Variants in SRGAP2 observed in about 807,000 individuals in gnomAD.
SRGAP2 encodes the protein SLIT-ROBO Rho GTPase activating protein 2, also known as SLIT-ROBO Rho GTPase-activating protein 2.
SRGAP2 carries 15 observed loss-of-function variants against 57.2 expected under a neutral mutation model. That is an observed-to-expected ratio of 0.26 (90% CI 0.18 to 0.40). The LOEUF is 0.40. Among genes scored for constraint, SRGAP2 ranks in the 10% least tolerant of loss-of-function variants. The pLI is 1.00. For missense variants in SRGAP2, 520 were observed against 669.6 expected (o/e 0.78, Z 2.47); for synonymous variants, 249 against 248.0 (o/e 1.00, Z -0.04).
At chr1:206,384,629 C>T (rs1481947717) in intron 5 of SRGAP2, among the ~76,000 whole-genome samples, 5 of 152,006 alleles carry the variant, frequency 3.3e-5, no homozygotes, top group East Asian at 1.9e-4. Flanking sequence ...ACCTCAGTGA[C>T]GAGGCAGGCT....
chr1:206,268,081 A>ATATAT (rs1182456996), intron 2 of SRGAP2, among the ~76,000 whole-genome samples: 48 of 145,262 alleles, frequency 3.3e-4, no homozygotes, highest in African/African-American at 1.1e-3. Context: ...ATATATATAT[A>ATATAT]TTTTTTTTTT....
In SRGAP2 at chr1:206,282,181, C is replaced by A. The variant is rs1275827174; in HGVS notation, c.68-21100C>A. On this transcript the variant is annotated intron_variant, in intron 2 of 22. Coordinates refer to ENST00000573034, the MANE Select transcript of SRGAP2 (RefSeq NM_015326.5). ...TCAAATGCTAAGTTTTAATGTCTTT[C>A]ATTTGGTTCTTTTATTTAGTTCAGT... 2.5e-3 allele frequency among the ~76,000 whole-genome samples: 155 copies of A among 62,232 alleles called. 1 individual carries two copies. Among genetic ancestry groups the A allele is most frequent in the African/African-American group, 0.011 (145 of 12,906 alleles). The allele number at this position is 62,232 out of a possible 152,430, so 40.8% of individuals were successfully genotyped here.
chr1:206,386,023 A>G (rs1437670814), intron 5 of SRGAP2, among the ~76,000 whole-genome samples: 3 of 152,240 alleles, frequency 2.0e-5, no homozygotes, highest in African/African-American at 7.2e-5. Context: ...AGAGAAGTCA[A>G]AACATTCTGG....
At chr1:206,340,272 T>C (rs1475984919) in intron 3 of SRGAP2, among the ~76,000 whole-genome samples, 2 of 115,334 alleles carry the variant, frequency 1.7e-5, no homozygotes, top group South Asian at 6.0e-4. Flanking sequence ...TCTGCTTCCT[T>C]TTGATCTGCG....
rs566353884 is a variant in SRGAP2 at position 206,417,409 on chromosome 1, T to C, written c.1441+1436T>C. On this transcript the variant is annotated intron_variant, in intron 11 of 22. Coordinates refer to ENST00000573034, the MANE Select transcript of SRGAP2 (RefSeq NM_015326.5). ...GTGAGCCACCATGCCTGGCTGATCT[T>C]ATGACTTTTTTTTTTTTTTTTTTTT... 8.1e-4 allele frequency among the ~76,000 whole-genome samples: 115 copies of C among 142,540 alleles called. 1 individual carries two copies. The highest frequency in any genetic ancestry group is 1.5e-3 in the Non-Finnish European group (95 of 65,204). The allele number at this position is 142,540 out of a possible 152,430, so 93.5% of individuals were successfully genotyped here. A position where few individuals can be genotyped will look rare whatever the true frequency, so the allele number is the denominator to read the frequency against.
chr1:206,458,142 T>G (rs1663989293), intron 21 of SRGAP2, among the ~76,000 whole-genome samples: 1 of 152,198 alleles, frequency 6.6e-6, no homozygotes, highest in African/African-American at 2.4e-5. Context: ...AACAACAGCC[T>G]CTTGCCAGAG....
rs540134963 is a variant in SRGAP2 at position 206,268,527 on chromosome 1, C to T, written c.68-34754C>T. Among the ~76,000 whole-genome samples the T allele has an allele frequency of 1.2e-3, 188 of 151,900 alleles. 1 individual carries two copies. In the South Asian group the frequency reaches 0.017, roughly 14 times the overall value. Reference sequence around the variant, plus strand: ...ATAATGGGTGTAAATGATATATGTTCTGAAAAATAGAAATAAAGCCAATAA... The same window carrying T: ...ATAATGGGTGTAAATGATATATGTTTTGAAAAATAGAAATAAAGCCAATAA... On this transcript the variant is annotated intron_variant, in intron 2 of 22. Transcript: ENST00000573034.
chr1:206,440,132 G>A (rs1024659473), intron 17 of SRGAP2, 51 bp downstream of exon 17: 1 of 768,234 alleles, frequency 1.3e-6, no homozygotes, highest in South Asian at 1.4e-5. Context: ...CTTGGGCACT[G>A]GAAGTTCCTC....
intron 2 of SRGAP2, among the ~76,000 whole-genome samples, chr1:206,256,734 A>G (rs1553312472): frequency 6.6e-6 from 1 of 151,566 alleles, no homozygotes; most frequent in African/African-American, 2.4e-5. Flanking sequence ...CCTGCCAGGT[A>G]AAATCTGGGT....
At chr1:206,400,090 CATG>C (rs1373667814) in intron 7 of SRGAP2, among the ~76,000 whole-genome samples, 1 of 145,228 alleles carries the variant, frequency 6.9e-6, no homozygotes, top group Non-Finnish European at 1.5e-5. Context: ...CCAATGTGAT[CATG>C]ATGAGAGGAA....
intron 12 of SRGAP2, 107 bp downstream of exon 12, chr1:206,419,507 CTT>C: frequency 1.3e-6 from 1 of 751,354 alleles, no homozygotes; most frequent in Non-Finnish European, 2.5e-6. Flanking sequence ...CATTGAATGA[CTT>C]TACAAAGCAA....
intron 4 of SRGAP2, among the ~76,000 whole-genome samples, chr1:206,382,680 GA>G (rs1213325868): frequency 1.6e-4 from 24 of 151,128 alleles, no homozygotes; most frequent in Non-Finnish European, 3.0e-4. Flanking sequence ...TTTGTAATCA[GA>G]AAAAAAAGTA....
intron 3 of SRGAP2, among the ~76,000 whole-genome samples, chr1:206,307,811 C>T (rs1258416281): frequency 6.6e-6 from 1 of 151,842 alleles, no homozygotes; most frequent in Non-Finnish European, 1.5e-5. Flanking sequence ...CCGCACGCAG[C>T]CCCGGTTCCC....
At chr1:206,289,468 G>A (rs1257768224) in intron 2 of SRGAP2, among the ~76,000 whole-genome samples, 1 of 151,498 alleles carries the variant, frequency 6.6e-6, no homozygotes, top group Non-Finnish European at 1.5e-5. Context: ...TAGTAGAGAC[G>A]GGGTTTCACT....
rs1657228566 is a variant in SRGAP2 at position 206,393,538 on chromosome 1, T to G, written c.703-7T>G. Reference sequence around the variant, plus strand: ...AAGGTAAAAGTGAACTTCTGTTTCCTTTTCAGCGTCAAGCCAAGTACACGG... The same window carrying G: ...AAGGTAAAAGTGAACTTCTGTTTCCGTTTCAGCGTCAAGCCAAGTACACGG... On this transcript the variant is annotated splice_region_variant and splice_polypyrimidine_tract_variant and intron_variant, in intron 6 of 22. Transcript: ENST00000573034. 3 of 778,446 alleles carry G rather than the reference T, an allele frequency of 3.9e-6. No individual in the cohort carries two copies. Among genetic ancestry groups the G allele is most frequent in the African/African-American group, 1.7e-5 (1 of 59,056 alleles). 48.2% of individuals were successfully genotyped at this position (778,446 alleles called of 1,614,324 possible).
intron 13 of SRGAP2, among the ~76,000 whole-genome samples, chr1:206,428,434 A>AG (rs1661001537): frequency 6.6e-6 from 1 of 151,858 alleles, no homozygotes; most frequent in South Asian, 2.1e-4. Context: ...AAAAAAAAAA[A>AG]AAAAGAAAAA....
chr1:206,210,657 G>T (rs1184964339), intron 2 of SRGAP2, among the ~76,000 whole-genome samples: 2 of 148,786 alleles, frequency 1.3e-5, no homozygotes, highest in Non-Finnish European at 3.0e-5. Flanking sequence ...TCTTTCCCTT[G>T]GGAGGTCTGA....
At chr1:206,402,271 G>A (rs1658262915) in intron 8 of SRGAP2, among the ~76,000 whole-genome samples, 1 of 152,036 alleles carries the variant, frequency 6.6e-6, no homozygotes, top group Non-Finnish European at 1.5e-5. Context: ...TATCCCAAAG[G>A]CCTGATGCTG....
At position 206,454,294 on chromosome 1, in the gene SRGAP2, G is replaced by A; in HGVS notation, c.2361-584G>A. On this transcript the variant is annotated intron_variant, in intron 20 of 22. Transcript: ENST00000573034. The surrounding 1 kb of genome is among the most constrained non-coding windows in gnomAD (Gnocchi z 4.3). ...ATTTAGCATTATGACTTCACCACAGGATCAAGAGAAGATGAATTGTGGGGG... is the reference window on the plus strand; with the variant it reads ...ATTTAGCATTATGACTTCACCACAGAATCAAGAGAAGATGAATTGTGGGGG... The A allele has an allele frequency of 1.5e-6, 1 of 666,426 alleles. No individual in the cohort carries two copies. The highest frequency in any genetic ancestry group is 1.6e-5 in the South Asian group (1 of 61,874). The allele number at this position is 666,426 out of a possible 1,614,324, so 41.3% of individuals were successfully genotyped here.
Sources: allele counts gnomAD v4.1 joint callset (sites outside exome capture counted in the v4.1 genomes callset), GRCh38; gene constraint gnomAD v4.1.1; non-coding constraint Gnocchi (gnomAD v3.1); transcripts MANE v1.5; gene names NCBI Gene and HGNC (gene_info 2026-07-23, HGNC 2026-07-21).